ANGPT4: variants seen among roughly 807,000 people sequenced by gnomAD.
The protein encoded by ANGPT4 is angiopoietin 4.
Under a neutral mutation model 53.0 loss-of-function variants are expected in ANGPT4, and 50 were observed. The observed-to-expected ratio is 0.94, with a 90% CI of 0.75 to 1.20. The LOEUF is 1.20. Ranked by LOEUF, ANGPT4 falls within the 50% of genes most tolerant of loss-of-function variation. The pLI, the probability that ANGPT4 is intolerant of heterozygous loss-of-function variation, is 0.00. For missense variants in ANGPT4, 648 were observed against 637.1 expected, an observed-to-expected ratio of 1.02 and a Z score of -0.18; for synonymous variants, 251 against 259.7, an observed-to-expected ratio of 0.97 and a Z score of 0.32.
intron 1 of ANGPT4, among the ~76,000 whole-genome samples, chr20:905,421 A>G (rs1982443462): frequency 6.6e-6 from 1 of 152,094 alleles, no homozygotes; most frequent in Non-Finnish European, 1.5e-5. Context: ...TTTCCACTGA[A>G]TAGTTGTTTG....
intron 7 of ANGPT4, among the ~76,000 whole-genome samples, chr20:876,617 C>A (rs1355409986): frequency 6.6e-6 from 1 of 152,222 alleles, no homozygotes; most frequent in African/African-American, 2.4e-5. Flanking sequence ...CTAAAGCACC[C>A]ATTCTACAGA....
chr20:888,490 C>A, intron 2 of ANGPT4, 51 bp from the exon 3 acceptor site: 2 of 1,564,446 alleles, frequency 1.3e-6, no homozygotes, highest in Non-Finnish European at 1.7e-6. Flanking sequence ...GCTACAGGAG[C>A]CCTGCCCAAC....
At chr20:886,265 T>C (rs2122787473) in intron 3 of ANGPT4, among the ~76,000 whole-genome samples, 1 of 152,358 alleles carries the variant, frequency 6.6e-6, no homozygotes, top group South Asian at 2.1e-4. Flanking sequence ...GTATCACTGG[T>C]TGGATTAGTA....
intron 3 of ANGPT4, among the ~76,000 whole-genome samples, chr20:886,803 A>G (rs1485673299): frequency 6.6e-6 from 1 of 152,244 alleles, no homozygotes; most frequent in Non-Finnish European, 1.5e-5. Context: ...TATCACTTTC[A>G]TACCACTGTT....
chr20:890,404 G>A, intron 1 of ANGPT4, 36 bp from the exon 2 acceptor site: 1 of 1,573,588 alleles, frequency 6.4e-7, no homozygotes, highest in African/African-American at 1.3e-5. Flanking sequence ...ACGGGGGAGG[G>A]GCGGGGGAAG....
Position 893,203 on chromosome 20 carries a change from G to A in ANGPT4, c.310-2835C>T, listed in dbSNP as rs560319900. On this transcript the variant is annotated intron_variant, in intron 1 of 8. Coordinates refer to ENST00000381922, the MANE Select transcript of ANGPT4 (RefSeq NM_015985.4). ...AAAATTTGGCATTTCCTTCAATTAT[G>A]AGCCTAGGTCACAAACCACAGCCAT... Among the ~76,000 whole-genome samples the A allele has an allele frequency of 5.9e-5, 9 of 152,266 alleles. No individual in the cohort carries two copies. In the South Asian group the frequency reaches 1.5e-3, roughly 25 times the overall value.
chr20:879,924 G>T, intron 5 of ANGPT4, 76 bp from the exon 6 acceptor site: 1 of 1,109,630 alleles, frequency 9.0e-7, no homozygotes, highest in Non-Finnish European at 1.3e-6. Context: ...GCCCAAATGT[G>T]GCTAAGCAGA....
chr20:904,377 G>T (rs760376012), intron 1 of ANGPT4, among the ~76,000 whole-genome samples: 4 of 152,218 alleles, frequency 2.6e-5, no homozygotes, highest in Non-Finnish European at 5.9e-5. Context: ...TTCATAGCAT[G>T]TTCCACATTC....
chr20:907,770 AC>A lies in ANGPT4; in HGVS notation c.309+8135del, dbSNP rs142460629. ...TGATCATGTGACAGCGCCCCTGCCCACCCCCCAACCTCACCTCAACTTTGGG... is the reference window on the plus strand; with the variant it reads ...TGATCATGTGACAGCGCCCCTGCCCACCCCCAACCTCACCTCAACTTTGGG... On this transcript the variant is annotated intron_variant, in intron 1 of 8. Transcript: ENST00000381922. Among the ~76,000 whole-genome samples the A allele has an allele frequency of 7.7e-4, 117 of 151,992 alleles. 2 individuals are homozygous for A. The East Asian group carries it at 0.014, about 18-fold the overall frequency.
At position 878,171 on chromosome 20, in the gene ANGPT4, G is replaced by C. The variant is rs776294647; in HGVS notation, c.1210C>G (p.Gln404Glu). 6.3e-7 allele frequency: 1 copy of C among 1,597,608 alleles called. No individual in the cohort carries two copies. Among genetic ancestry groups the C allele is most frequent in the Non-Finnish European group, 8.6e-7 (1 of 1,166,680 alleles). ...GGGCCCCGAACCCACCTGTATAGCT[G>C]GTTCTCACTGCCCAGGTGGAAATGT... ...YEHFHLGSENQLYRLSVVGYS... is the reference protein window; with the variant it reads ...YEHFHLGSENELYRLSVVGYS... The change falls in exon 7 of 9, where the codon CAG (glutamine) becomes GAG (glutamate). Residue 404 changes from glutamine (Q) to glutamate (E), a missense_variant. Transcript: ENST00000381922.
At position 881,287 on chromosome 20, in the gene ANGPT4, C is replaced by T. The variant is rs747219845; in HGVS notation, c.836-1G>A. On this transcript the variant is annotated splice_acceptor_variant, in intron 4 of 8. Transcript: ENST00000381922. LOFTEE classifies it high-confidence loss of function. ...ACCTGCTCACCTGCCATTATGAAGG[C>T]TGCAAAGGGACAACACAAAAGTCAG... 1.9e-6 allele frequency: 3 copies of T among 1,613,910 alleles called. No individual in the cohort carries two copies. Among genetic ancestry groups the T allele is most frequent in the African/African-American group, 2.7e-5 (2 of 74,942 alleles).
At chr20:896,976 C>T (rs1358161762) in intron 1 of ANGPT4, among the ~76,000 whole-genome samples, 6 of 152,266 alleles carry the variant, frequency 3.9e-5, no homozygotes, top group South Asian at 2.1e-4. Flanking sequence ...CCTGCCTTAA[C>T]GGATGACATT....
At position 871,652 on chromosome 20, in the gene ANGPT4, C is replaced by T. The variant is rs1057194126; in HGVS notation, c.*1308G>A. ...AAGGGAGGGAGGCTAGGGGTTAGGG[C>T]TTGGAGGCAGAGAGGATCTGGACTT... On this transcript the variant is annotated 3_prime_UTR_variant, in exon 9 of 9. Coordinates refer to ENST00000381922, the MANE Select transcript of ANGPT4 (RefSeq NM_015985.4). The T allele has an allele frequency of 9.8e-5, 15 of 152,446 alleles. No homozygotes were observed. The highest frequency in any genetic ancestry group is 3.4e-4 in the African/African-American group (14 of 41,576). 9.4% of individuals were successfully genotyped at this position (152,446 alleles called of 1,614,324 possible).
Position 908,668 on chromosome 20 carries a change from T to TA in ANGPT4, c.309+7237dup, listed in dbSNP as rs1982575737. ...CACTTGCATGGCGCCTGGCGCATTG[T>TA]AAGCCCTCAATAAACAGTGGTGGAA... On this transcript the variant is annotated intron_variant, in intron 1 of 8. Coordinates refer to ENST00000381922, the MANE Select transcript of ANGPT4 (RefSeq NM_015985.4). The surrounding 1 kb of genome is among the most constrained non-coding windows in gnomAD (Gnocchi z 4.9). Among the ~76,000 whole-genome samples, 1 of 152,160 alleles carries TA rather than the reference T, an allele frequency of 6.6e-6. No homozygotes were observed. The highest frequency in any genetic ancestry group is 1.5e-5 in the Non-Finnish European group (1 of 68,018).
intron 1 of ANGPT4, among the ~76,000 whole-genome samples, chr20:893,977 T>C (rs1981947465): frequency 6.6e-6 from 1 of 151,928 alleles, no homozygotes; most frequent in African/African-American, 2.4e-5. Flanking sequence ...TCCCAGGAGA[T>C]TCTTTTTTTT....
chr20:870,100 C>T lies in ANGPT4; in HGVS notation c.*2860G>A, dbSNP rs185335286. 3 of 152,412 alleles carry T rather than the reference C, an allele frequency of 2.0e-5. No homozygotes were observed. The East Asian group carries it at 5.8e-4, about 29-fold the overall frequency. 9.4% of individuals were successfully genotyped at this position (152,412 alleles called of 1,614,324 possible). On this transcript the variant is annotated 3_prime_UTR_variant, in exon 9 of 9. Coordinates refer to ENST00000381922, the MANE Select transcript of ANGPT4 (RefSeq NM_015985.4). ...CATCATTTGAGCCTCTGGATCTAAC[C>T]TCACTTGCCTTTACCCTTAGACTTT...
At chr20:878,042 A>AT (rs1178644602) in intron 7 of ANGPT4, 119 bp downstream of exon 7, 57 of 1,172,034 alleles carry the variant, frequency 4.9e-5, no homozygotes, top group Middle Eastern at 3.0e-4. Flanking sequence ...GATGGTAGGA[A>AT]CAGGAGACAC....
At chr20:915,775 G>T in intron 1 of ANGPT4, 131 bp downstream of exon 1, 1 of 1,179,298 alleles carries the variant, frequency 8.5e-7, no homozygotes, top group South Asian at 1.7e-5. Flanking sequence ...ACCCACCCCT[G>T]CCCCTCTTTG....
At chr20:912,962 C>G (rs1025668314) in intron 1 of ANGPT4, among the ~76,000 whole-genome samples, 1 of 152,124 alleles carries the variant, frequency 6.6e-6, no homozygotes, top group East Asian at 1.9e-4. Flanking sequence ...AGTCACTTTC[C>G]CTCTCTGGCC....
Sources: allele counts gnomAD v4.1 joint callset (sites outside exome capture counted in the v4.1 genomes callset), GRCh38; gene constraint gnomAD v4.1.1; non-coding constraint Gnocchi (gnomAD v3.1); transcripts MANE v1.5; gene names NCBI Gene and HGNC (gene_info 2026-07-23, HGNC 2026-07-21).